The following FER variants were observed in gnomAD, a reference collection of about 807,000 sequenced individuals.
FER encodes FER tyrosine kinase.
A neutral mutation model predicts 111.0 loss-of-function variants in FER; 63 were observed. The observed-to-expected ratio is 0.57, with a 90% CI of 0.46 to 0.70. FER has a LOEUF of 0.70. Ranked by LOEUF, FER falls within the 30% of genes least tolerant of loss-of-function variation. The pLI is 0.00. For missense variants in FER, 914 were observed against 954.0 expected (o/e 0.96, Z 0.55); for synonymous variants, 327 against 313.9 (o/e 1.04, Z -0.44).
chr5:109,111,533 T>TAAA (rs3064688), intron 17 of FER, among the ~76,000 whole-genome samples: 1 of 151,904 alleles, frequency 6.6e-6, no homozygotes, highest in Non-Finnish European at 1.5e-5. Context: ...AACCTTATAA[T>TAAA]AAAAAATTCT....
chr5:108,765,346 A>C (rs1295076083), intron 1 of FER, among the ~76,000 whole-genome samples: 1 of 152,206 alleles, frequency 6.6e-6, no homozygotes, highest in African/African-American at 2.4e-5. Context: ...TTTCATTGGA[A>C]AATAAAAATT....
chr5:109,147,619 C>T (rs556164636), intron 17 of FER, among the ~76,000 whole-genome samples: 1 of 151,802 alleles, frequency 6.6e-6, no homozygotes, highest in Non-Finnish European at 1.5e-5. Context: ...AAATCCTGTG[C>T]CATAAGAAAA....
Position 109,189,070 on chromosome 5 carries a change from C to A in FER, c.*1495C>A, listed in dbSNP as rs1759178031. ...TTATACTGCCCCCTGGACATTCTTA[C>A]CATTAGCTGACAGGTATGCAAGCAG... On this transcript the variant is annotated 3_prime_UTR_variant, in exon 20 of 20. Transcript: ENST00000281092. 6.6e-6 allele frequency: 1 copy of A among 152,146 alleles called. No individual in the cohort carries two copies. Among genetic ancestry groups the A allele is most frequent in the Non-Finnish European group, 1.5e-5 (1 of 68,036 alleles). 9.4% of individuals were successfully genotyped at this position (152,146 alleles called of 1,614,324 possible).
At chr5:109,154,126 G>A (rs899672605) in intron 17 of FER, among the ~76,000 whole-genome samples, 4 of 151,738 alleles carry the variant, frequency 2.6e-5, no homozygotes, top group Admixed American at 6.6e-5. Flanking sequence ...CTGCATAGGA[G>A]TTTAGTTCTG....
chr5:108,946,599 T>C (rs573055149), intron 11 of FER, among the ~76,000 whole-genome samples: 3 of 152,124 alleles, frequency 2.0e-5, no homozygotes, highest in Admixed American at 2.0e-4. Flanking sequence ...GATTACTATA[T>C]ATATTTTAAA....
At chr5:109,050,981 A>G (rs1235101519) in intron 16 of FER, among the ~76,000 whole-genome samples, 2 of 152,216 alleles carry the variant, frequency 1.3e-5, no homozygotes, top group African/African-American at 4.8e-5. Flanking sequence ...ACTCATTCAC[A>G]TACCCAGAAC....
chr5:109,085,420 C>A (rs1194662902), intron 16 of FER, among the ~76,000 whole-genome samples: 1 of 148,534 alleles, frequency 6.7e-6, no homozygotes, highest in Non-Finnish European at 1.5e-5. Flanking sequence ...TATTCTGTGA[C>A]CTTCATAAAT....
At chr5:108,758,258 C>T (rs1561373575) in intron 1 of FER, among the ~76,000 whole-genome samples, 3 of 152,274 alleles carry the variant, frequency 2.0e-5, no homozygotes, top group East Asian at 3.9e-4. Context: ...AGGTTTCGGA[C>T]TGTTTTCCTG....
chr5:108,911,871 G>A (rs1426221328), intron 10 of FER, among the ~76,000 whole-genome samples: 7 of 151,980 alleles, frequency 4.6e-5, no homozygotes, highest in African/African-American at 1.5e-4. Flanking sequence ...ATATGGTTTG[G>A]CTGTGTCCCC....
chr5:108,927,422 G>A (rs1404224714), intron 10 of FER, among the ~76,000 whole-genome samples: 1 of 151,664 alleles, frequency 6.6e-6, no homozygotes, highest in African/African-American at 2.4e-5. Flanking sequence ...CACCGCGCCC[G>A]GCTAATTTTT....
At chr5:108,771,914 G>T (rs1018350188) in intron 2 of FER, among the ~76,000 whole-genome samples, 1 of 151,974 alleles carries the variant, frequency 6.6e-6, no homozygotes, top group African/African-American at 2.4e-5. Context: ...GTTCATTTTG[G>T]CTGCTATGAC....
intron 13 of FER, among the ~76,000 whole-genome samples, chr5:108,992,160 A>G (rs1424511799): frequency 6.6e-6 from 1 of 152,178 alleles, no homozygotes; most frequent in East Asian, 1.9e-4. Flanking sequence ...CTGAGTGGAC[A>G]CAGCACATGT....
intron 17 of FER, among the ~76,000 whole-genome samples, chr5:109,152,123 T>G (rs1205856348): frequency 6.6e-6 from 1 of 152,090 alleles, no homozygotes; most frequent in Non-Finnish European, 1.5e-5. Context: ...TACATATATA[T>G]GAACTTGAGG....
intron 10 of FER, among the ~76,000 whole-genome samples, chr5:108,945,481 A>T (rs1309346991): frequency 6.6e-6 from 1 of 152,066 alleles, no homozygotes; most frequent in Non-Finnish European, 1.5e-5. Flanking sequence ...TCAGAAATAC[A>T]CATTGTGTGG....
intron 2 of FER, among the ~76,000 whole-genome samples, chr5:108,772,492 A>G (rs981779716): frequency 2.0e-5 from 3 of 151,018 alleles, no homozygotes; most frequent in Non-Finnish European, 4.4e-5. Context: ...TAAGATTTGT[A>G]TGTACTTAAC....
intron 16 of FER, among the ~76,000 whole-genome samples, chr5:109,093,171 T>A (rs1747042599): frequency 6.6e-6 from 1 of 152,154 alleles, no homozygotes; most frequent in South Asian, 2.1e-4. Context: ...GTTCTAGAGA[T>A]GTGTTGTACA....
rs149457346 is a variant in FER at position 109,030,091 on chromosome 5, C to T, written c.1657-7331C>T. ...CAATGATTAGCCTCTCTTATCTTCA[C>T]TTTACTATTGAGCCCATTCAGTGAG... On this transcript the variant is annotated intron_variant, in intron 13 of 19. Coordinates refer to ENST00000281092, the MANE Select transcript of FER (RefSeq NM_005246.4). 3.3e-4 allele frequency among the ~76,000 whole-genome samples: 50 copies of T among 152,184 alleles called. No homozygotes were observed. The East Asian group carries it at 9.3e-3, about 28-fold the overall frequency.
intron 10 of FER, among the ~76,000 whole-genome samples, chr5:108,904,183 T>A (rs1186241068): frequency 6.6e-6 from 1 of 152,204 alleles, no homozygotes; most frequent in Non-Finnish European, 1.5e-5. Flanking sequence ...GTTTTCACTG[T>A]TATGGGCCTT....
At chr5:109,013,679 A>G (rs1232563874) in intron 13 of FER, among the ~76,000 whole-genome samples, 2 of 151,942 alleles carry the variant, frequency 1.3e-5, no homozygotes, top group African/African-American at 4.8e-5. Flanking sequence ...TGGTTGAACT[A>G]GTTTACAGTC....
Sources: gnomAD v4.1 joint callset for allele counts (sites outside exome capture counted in the v4.1 genomes callset) on GRCh38, gnomAD v4.1.1 for gene constraint, MANE v1.5 for transcripts, NCBI Gene and HGNC (gene_info 2026-07-23, HGNC 2026-07-21) for gene names.